Variants in FRAS1 observed in about 807,000 individuals in gnomAD.
FRAS1 encodes Fraser extracellular matrix complex subunit 1.
FRAS1 carries 290 observed loss-of-function variants against 435.2 expected under a neutral mutation model. The observed-to-expected ratio is 0.67, with a 90% CI of 0.61 to 0.73. The LOEUF (loss-of-function observed/expected upper bound fraction) is 0.73, where lower values mean the gene tolerates loss of function less well. Ranked by LOEUF, FRAS1 falls within the 30% of genes least tolerant of loss-of-function variation. FRAS1 has a pLI of 0.00. For missense variants in FRAS1, 4,860 were observed against 5,001.5 expected (o/e 0.97, Z 0.85); for synonymous variants, 1,800 against 1,851.0 (o/e 0.97, Z 0.71).
At chr4:78,330,108 G>A (rs1729885454) in intron 18 of FRAS1, among the ~76,000 whole-genome samples, 1 of 152,214 alleles carries the variant, frequency 6.6e-6, no homozygotes, top group African/African-American at 2.4e-5. Flanking sequence ...AGCCATGGCA[G>A]AAGAACGTGG....
intron 4 of FRAS1, among the ~76,000 whole-genome samples, chr4:78,245,688 G>A (rs892028067): frequency 6.6e-6 from 1 of 152,064 alleles, no homozygotes; most frequent in Non-Finnish European, 1.5e-5. Flanking sequence ...TGTTAAATAC[G>A]AAAAAATTTA....
At chr4:78,422,080 C>G in intron 34 of FRAS1, 80 bp downstream of exon 34, 2 of 1,462,064 alleles carry the variant, frequency 1.4e-6, no homozygotes, top group Non-Finnish European at 1.8e-6. Context: ...ACTCTCCCTG[C>G]AGTCCTCTGG....
intron 4 of FRAS1, among the ~76,000 whole-genome samples, chr4:78,250,785 T>C (rs538674736): frequency 3.5e-4 from 54 of 152,328 alleles, no homozygotes; most frequent in South Asian, 1.4e-3. Context: ...CACTGTAGCT[T>C]CACCAAGTCT....
Position 78,539,446 on chromosome 4 carries a change from T to A in FRAS1, c.11445+6T>A. On this transcript the variant is annotated splice_donor_region_variant and intron_variant, in intron 73 of 73. Transcript: ENST00000512123. ...AAGTAGATGCACTCTATAAGGTGAGTTTGGTGAGAAGAACAGAAGCTTAAG... is the reference window on the plus strand; with the variant it reads ...AAGTAGATGCACTCTATAAGGTGAGATTGGTGAGAAGAACAGAAGCTTAAG... 1 of 1,598,108 alleles carries A rather than the reference T, an allele frequency of 6.3e-7. No homozygotes were observed. The highest frequency in any genetic ancestry group is 8.5e-7 in the Non-Finnish European group (1 of 1,174,298).
chr4:78,433,471 A>G (rs1470564651), intron 38 of FRAS1, among the ~76,000 whole-genome samples: 1 of 152,148 alleles, frequency 6.6e-6, no homozygotes, highest in Non-Finnish European at 1.5e-5. Flanking sequence ...AATGCCGTAT[A>G]CTTTTAAGTA....
intron 29 of FRAS1, among the ~76,000 whole-genome samples, chr4:78,392,849 T>A (rs917209940): frequency 6.6e-6 from 1 of 151,868 alleles, no homozygotes; most frequent in African/African-American, 2.4e-5. Flanking sequence ...ATTGGGGAAA[T>A]TAGGTTAAAA....
At chr4:78,117,370 T>C (rs1354331756) in intron 2 of FRAS1, among the ~76,000 whole-genome samples, 2 of 152,202 alleles carry the variant, frequency 1.3e-5, no homozygotes, top group Non-Finnish European at 2.9e-5. Flanking sequence ...TACATTTGAA[T>C]GTTGGCCTGC....
chr4:78,070,070 C>T (rs1001641462), intron 2 of FRAS1, among the ~76,000 whole-genome samples: 1 of 152,132 alleles, frequency 6.6e-6, no homozygotes, highest in Non-Finnish European at 1.5e-5. Flanking sequence ...CCCTGACCTC[C>T]TGCTAAAGCC....
chr4:78,396,303 T>G (rs1378331392), intron 29 of FRAS1, among the ~76,000 whole-genome samples: 1 of 152,236 alleles, frequency 6.6e-6, no homozygotes, highest in Admixed American at 6.5e-5. Context: ...CTCACTTTGA[T>G]TATATTCTTA....
At chr4:78,386,974 C>T (rs961245158) in intron 28 of FRAS1, among the ~76,000 whole-genome samples, 1 of 152,112 alleles carries the variant, frequency 6.6e-6, no homozygotes, top group African/African-American at 2.4e-5. Context: ...AAAGTAGCTT[C>T]CTCAGAGTCA....
intron 22 of FRAS1, among the ~76,000 whole-genome samples, chr4:78,367,775 T>G (rs1731335829): frequency 6.6e-6 from 1 of 152,222 alleles, no homozygotes; most frequent in Non-Finnish European, 1.5e-5. Context: ...GGTTCATTAT[T>G]TCAACTGGTT....
At position 78,407,755 on chromosome 4, in the gene FRAS1, A is replaced by AC; in HGVS notation, c.4224dup (p.Phe1409LeufsTer8). 1.2e-6 allele frequency: 2 copies of AC among 1,613,788 alleles called. No homozygotes were observed. The highest frequency in any genetic ancestry group is 1.7e-6 in the Non-Finnish European group (2 of 1,179,808). ...TGGGAGGACAGCTACCCCCACCAGCACCTTCACCCAGCAGGACATCAATGA... is the reference window on the plus strand; with the variant it reads ...TGGGAGGACAGCTACCCCCACCAGCACCCTTCACCCAGCAGGACATCAATGA... On this transcript the variant is annotated frameshift_variant, in exon 31 of 74. Coordinates refer to ENST00000512123, the MANE Select transcript of FRAS1 (RefSeq NM_025074.7). LOFTEE classifies it high-confidence loss of function.
Position 78,521,629 on chromosome 4 carries a change from A to G in FRAS1, c.10647A>G (p.Arg3549=). The G allele has an allele frequency of 6.3e-7, 1 of 1,585,538 alleles. No individual in the cohort carries two copies. Residue 3549 remains arginine (R), a splice_region_variant and synonymous_variant, in exon 68 of 74, where the codon AGA becomes AGG. Coordinates refer to ENST00000512123, the MANE Select transcript of FRAS1 (RefSeq NM_025074.7). ...VIEFKTHAKF[R]GQFVMEHHTL... is the part of the protein sequence containing the mutation. The stretch of plus-strand genomic sequence containing the variant: ...AATTCAAGACCCATGCCAAATTCAG[A>G]GGTAATATCAATGCCGTTTTTTTTT...
intron 2 of FRAS1, among the ~76,000 whole-genome samples, chr4:78,234,249 A>G (rs982078495): frequency 1.3e-5 from 2 of 151,636 alleles, no homozygotes; most frequent in Admixed American, 1.3e-4. Context: ...TTTTTGAGAC[A>G]GAGTCTCGCT....
At chr4:78,498,457 G>A (rs1319099714) in intron 60 of FRAS1, among the ~76,000 whole-genome samples, 2 of 150,894 alleles carry the variant, frequency 1.3e-5, no homozygotes, top group Non-Finnish European at 2.9e-5. Flanking sequence ...AGTGAGCTGA[G>A]ATCGTGCCAT....
At chr4:78,512,492 G>A (rs753543337) in intron 64 of FRAS1, among the ~76,000 whole-genome samples, 4 of 145,632 alleles carry the variant, frequency 2.7e-5, no homozygotes, top group African/African-American at 7.7e-5. Context: ...CAGTAAACAC[G>A]CTCAAAGTTT....
intron 30 of FRAS1, among the ~76,000 whole-genome samples, chr4:78,402,596 C>G (rs1732934162): frequency 6.6e-6 from 1 of 152,108 alleles, no homozygotes; most frequent in Non-Finnish European, 1.5e-5. Flanking sequence ...CCTTATCCTC[C>G]CCTAATGTTA....
intron 2 of FRAS1, among the ~76,000 whole-genome samples, chr4:78,119,574 T>C (rs1350966243): frequency 6.6e-6 from 1 of 152,206 alleles, no homozygotes; most frequent in East Asian, 1.9e-4. Flanking sequence ...TCACATTTTC[T>C]TTATCCATTC....
In FRAS1 at chr4:78,318,563, TTTG is replaced by T. The variant is rs1219942413; in HGVS notation, c.1961-233_1961-231del. Among the ~76,000 whole-genome samples the T allele has an allele frequency of 4.6e-5, 7 of 152,286 alleles. No homozygotes were observed. The East Asian group carries it at 7.7e-4, about 17-fold the overall frequency. On this transcript the variant is annotated intron_variant, in intron 17 of 73. Coordinates refer to ENST00000512123, the MANE Select transcript of FRAS1 (RefSeq NM_025074.7). The stretch of plus-strand genomic sequence containing the variant: ...TTTGCTGTTTTTGCTCATTTGTTTG[TTTG>T]TTGTTGTTGTTGTCTAGCCCGACAG...
Sources: allele counts gnomAD v4.1 joint callset (sites outside exome capture counted in the v4.1 genomes callset), GRCh38; gene constraint gnomAD v4.1.1; transcripts MANE v1.5; gene names NCBI Gene and HGNC (gene_info 2026-07-23, HGNC 2026-07-21).